REXO5: variants seen among roughly 807,000 people sequenced by gnomAD.
The protein encoded by REXO5 is exonuclease NEF-sp.
In REXO5, 48 loss-of-function variants were observed where a neutral mutation model predicts 88.5. The observed-to-expected ratio is 0.54, with a 90% CI of 0.43 to 0.69. REXO5 has a LOEUF of 0.69. Ranked by LOEUF, REXO5 falls within the 30% of genes least tolerant of loss-of-function variation. The probability of loss-of-function intolerance (pLI) is 0.00; values close to 1 mark genes in which losing one functional copy is unlikely to be tolerated. For missense variants in REXO5, 749 were observed against 912.2 expected, an observed-to-expected ratio of 0.82 and a Z score of 2.30; for synonymous variants, 311 against 336.5, an observed-to-expected ratio of 0.92 and a Z score of 0.83.
Position 20,846,408 on chromosome 16 carries a change from C to G in REXO5, c.2243+69C>G, listed in dbSNP as rs543032484. The G allele has an allele frequency of 1.3e-5, 15 of 1,191,596 alleles. No homozygotes were observed. In the South Asian group the frequency reaches 1.9e-4, roughly 15 times the overall value. The allele number at this position is 1,191,596 out of a possible 1,614,324, so 73.8% of individuals were successfully genotyped here. On this transcript the variant is annotated intron_variant, in intron 19 of 19. Transcript: ENST00000261377. ...ATTTCAGCTGTTCTTAGAGAAAAAG[C>G]CTTTTGCTGATATTTAGGCACATAG...
Position 20,810,722 on chromosome 16 carries a change from C to G in REXO5, c.139-2468C>G, listed in dbSNP as rs2080985163. Among the ~76,000 whole-genome samples the G allele has an allele frequency of 2.0e-5, 3 of 152,136 alleles. No individual in the cohort carries two copies. In the South Asian group the frequency reaches 6.2e-4, roughly 31 times the overall value. On this transcript the variant is annotated intron_variant, in intron 2 of 19. Coordinates refer to ENST00000261377, the MANE Select transcript of REXO5 (RefSeq NM_030941.3). ...ATTTTCATATTTGTAACTTCCTTCA[C>G]TAACAATGAGAAACCCGACACCCAA...
chr16:20,841,418 A>G (rs2152511670), intron 15 of REXO5, among the ~76,000 whole-genome samples: 1 of 152,270 alleles, frequency 6.6e-6, no homozygotes, highest in East Asian at 1.9e-4. Flanking sequence ...TCTAGGGGGA[A>G]GAATTAGGCA....
chr16:20,827,456 G>C lies in REXO5; in HGVS notation c.1055+9G>C. ...GCCAAAGTTATTTTGGGGTAGGTTT[G>C]CTTATATGCTGTAATATTGTTCTGA... On this transcript the variant is annotated intron_variant, in intron 10 of 19. Transcript: ENST00000261377. 1 of 1,593,184 alleles carries C rather than the reference G, an allele frequency of 6.3e-7. No homozygotes were observed. Among genetic ancestry groups the C allele is most frequent in the East Asian group, 2.2e-5 (1 of 44,792 alleles).
At chr16:20,813,651 A>G (rs1275968337) in intron 3 of REXO5, among the ~76,000 whole-genome samples, 3 of 152,152 alleles carry the variant, frequency 2.0e-5, no homozygotes, top group Non-Finnish European at 4.4e-5. Context: ...TATTTACAGT[A>G]TCTGTCTGGC....
chr16:20,823,346 T>C (rs2081214166), intron 6 of REXO5: 1 of 152,246 alleles, frequency 6.6e-6, no homozygotes, highest in Non-Finnish European at 1.5e-5. Context: ...ACTAAGTGCC[T>C]TTTTGTACAT....
chr16:20,827,219 T>C (rs762217853), intron 9 of REXO5, 23 bp downstream of exon 9: 3 of 1,613,684 alleles, frequency 1.9e-6, no homozygotes, highest in Non-Finnish European at 2.5e-6. Flanking sequence ...TTTAGGACTT[T>C]GCATTTTCAG....
At chr16:20,836,941 C>T (rs977143339) in intron 13 of REXO5, among the ~76,000 whole-genome samples, 2 of 152,178 alleles carry the variant, frequency 1.3e-5, no homozygotes, top group Non-Finnish European at 2.9e-5. Context: ...AGTGTCTGTT[C>T]AACTCTTTTG....
At position 20,831,024 on chromosome 16, in the gene REXO5, T is replaced by A. The variant is rs1343557391; in HGVS notation, c.1159-1132T>A. Among the ~76,000 whole-genome samples the A allele has an allele frequency of 6.5e-5, 9 of 138,180 alleles. No homozygotes were observed. In the South Asian group the frequency reaches 7.4e-4, roughly 11 times the overall value. 90.7% of individuals were successfully genotyped at this position (138,180 alleles called of 152,430 possible). ...TTTTTTTTTTTTTTGAGACGGGGTC[T>A]CACTGTGTTGCCTAAGCTGGACTGG... On this transcript the variant is annotated intron_variant, in intron 11 of 19. Coordinates refer to ENST00000261377, the MANE Select transcript of REXO5 (RefSeq NM_030941.3).
chr16:20,826,495 G>T (rs2081262425), intron 8 of REXO5, among the ~76,000 whole-genome samples: 1 of 152,212 alleles, frequency 6.6e-6, no homozygotes, highest in South Asian at 2.1e-4. Context: ...GTAGATTCGT[G>T]ATGACTTAGG....
chr16:20,817,220 T>A (rs1369222262), intron 5 of REXO5, among the ~76,000 whole-genome samples: 1 of 152,212 alleles, frequency 6.6e-6, no homozygotes, highest in African/African-American at 2.4e-5. Flanking sequence ...TCTGTCCTAA[T>A]CCCCACTTCT....
At chr16:20,847,134 G>A (rs1224475761) in intron 19 of REXO5, among the ~76,000 whole-genome samples, 10 of 152,026 alleles carry the variant, frequency 6.6e-5, no homozygotes, top group Admixed American at 6.6e-4. Context: ...ATCTGGTTAG[G>A]CGCAGTGGCT....
At position 20,832,122 on chromosome 16, in the gene REXO5, GCAATTATATTTTTAC is replaced by G; in HGVS notation, c.1159-31_1159-17del. The G allele has an allele frequency of 7.2e-7, 1 of 1,387,446 alleles. No homozygotes were observed. Among genetic ancestry groups the G allele is most frequent in the Non-Finnish European group, 1.0e-6 (1 of 992,646 alleles). The allele number at this position is 1,387,446 out of a possible 1,614,324, so 85.9% of individuals were successfully genotyped here. The stretch of plus-strand genomic sequence containing the variant: ...TATTTGAGCATCAAATGCTCTGCAA[GCAATTATATTTTTAC>G]CACTTTGTTTTCTTCAAGATTGCAG... On this transcript the variant is annotated intron_variant, in intron 11 of 19. Coordinates refer to ENST00000261377, the MANE Select transcript of REXO5 (RefSeq NM_030941.3).
intron 11 of REXO5, among the ~76,000 whole-genome samples, chr16:20,831,356 C>T (rs2081342162): frequency 6.6e-6 from 1 of 152,112 alleles, no homozygotes; most frequent in African/African-American, 2.4e-5. Flanking sequence ...TCTCAAACCA[C>T]ACTTGGGGCA....
chr16:20,842,070 T>C (rs2081536633), intron 15 of REXO5, among the ~76,000 whole-genome samples: 1 of 152,114 alleles, frequency 6.6e-6, no homozygotes, highest in Non-Finnish European at 1.5e-5. Flanking sequence ...TAAAATAAAA[T>C]GTACCTTTTT....
chr16:20,826,715 G>T (rs771147628), intron 8 of REXO5, among the ~76,000 whole-genome samples: 14 of 152,186 alleles, frequency 9.2e-5, no homozygotes, highest in African/African-American at 1.4e-4. Flanking sequence ...CATTTAAAAG[G>T]ATGTGCTAAA....
chr16:20,843,576 C>A (rs544505486), intron 15 of REXO5, among the ~76,000 whole-genome samples: 3 of 152,212 alleles, frequency 2.0e-5, no homozygotes, highest in Non-Finnish European at 2.9e-5. Flanking sequence ...GAAGATGTAG[C>A]CTATCCAGTG....
At chr16:20,815,190 G>A (rs2081062570) in intron 4 of REXO5, 137 bp downstream of exon 4, 1 of 801,164 alleles carries the variant, frequency 1.2e-6, no homozygotes. Context: ...AGACCTTAGA[G>A]GCCTCATGTA....
Position 20,832,998 on chromosome 16 carries a change from T to C in REXO5, c.1263-5T>C, listed in dbSNP as rs1363408704. On this transcript the variant is annotated splice_polypyrimidine_tract_variant and splice_region_variant and intron_variant, in intron 12 of 19. Transcript: ENST00000261377. ...TCTTACCTTAACTCTTCTACTTCTT[T>C]ATAGTGTTTTAGAATGCTTGGATTC... The C allele has an allele frequency of 1.2e-6, 2 of 1,611,246 alleles. No homozygotes were observed. Among genetic ancestry groups the C allele is most frequent in the East Asian group, 4.5e-5 (2 of 44,876 alleles).
chr16:20,812,360 A>G (rs1490031364), intron 2 of REXO5, among the ~76,000 whole-genome samples: 8 of 152,054 alleles, frequency 5.3e-5, no homozygotes, highest in Admixed American at 5.2e-4. Flanking sequence ...CATCTCTACC[A>G]AAAATACAAA....
Sources: gnomAD v4.1 joint callset for allele counts (sites outside exome capture counted in the v4.1 genomes callset) on GRCh38, gnomAD v4.1.1 for gene constraint, MANE v1.5 for transcripts, NCBI Gene and HGNC (gene_info 2026-07-23, HGNC 2026-07-21) for gene names.